Variants in RBM46 observed in about 807,000 individuals in gnomAD.
RBM46 encodes probable RNA-binding protein 46.
RBM46 carries 12 observed loss-of-function variants against 43.3 expected under a neutral mutation model. The ratio of observed to expected loss-of-function variants is 0.28; its 90% confidence interval spans 0.18 to 0.45. The LOEUF (loss-of-function observed/expected upper bound fraction) is 0.45. Among genes scored for constraint, RBM46 ranks in the 20% least tolerant of loss-of-function variants. The pLI, the probability that RBM46 is intolerant of heterozygous loss-of-function variation, is 1.00. For synonymous variants in RBM46, 205 were observed against 207.6 expected (o/e 0.99, Z 0.11); for missense variants, 412 against 639.1 (o/e 0.64, Z 3.83).
chr4:154,788,800 T>A (rs1050561055), intron 1 of RBM46, among the ~76,000 whole-genome samples: 63 of 152,228 alleles, frequency 4.1e-4, no homozygotes, highest in Non-Finnish European at 5.1e-4. Context: ...ATGTATTGAT[T>A]CTTCCTATCC....
intron 1 of RBM46, among the ~76,000 whole-genome samples, chr4:154,783,865 T>C (rs1452562864): frequency 6.6e-6 from 1 of 152,240 alleles, no homozygotes; most frequent in African/African-American, 2.4e-5. Flanking sequence ...TGTACACTTA[T>C]TTCGAAATAA....
At chr4:154,820,512 A>G (rs1735674535) in intron 4 of RBM46, 1 of 667,090 alleles carries the variant, frequency 1.5e-6, no homozygotes, top group Non-Finnish European at 2.4e-6. Context: ...CTTTATAATG[A>G]AAAGAATGAA....
rs1430281850 is a variant in RBM46 at position 154,799,376 on chromosome 4, A to G, written c.1214A>G (p.Asn405Ser). The G allele has an allele frequency of 6.2e-7, 1 of 1,614,036 alleles. No individual in the cohort carries two copies. Among genetic ancestry groups the G allele is most frequent in the Non-Finnish European group, 8.5e-7 (1 of 1,180,002 alleles). ...VMHLDYYCNK[N>S]NWAPPEYYLY... ...CATTTGGATTATTACTGCAACAAAAATAACTGGGCACCACCAGAATATTAT... is the reference window on the plus strand; with the variant it reads ...CATTTGGATTATTACTGCAACAAAAGTAACTGGGCACCACCAGAATATTAT... Residue 405 changes from asparagine (N) to serine (S), a missense_variant, in exon 4 of 5, where the codon AAT (asparagine) becomes AGT (serine). By Grantham distance (46) the Asn-to-Ser change is conservative. Around this residue, in one of 8 missense-constraint regions of RBM46, gnomAD observed 149 missense variants for 156.3 expected, o/e 0.95. Transcript: ENST00000281722.
intron 4 of RBM46, among the ~76,000 whole-genome samples, chr4:154,809,898 G>A (rs527339549): frequency 4.1e-4 from 63 of 152,126 alleles, no homozygotes; most frequent in African/African-American, 1.5e-3. Flanking sequence ...TTATGATTAG[G>A]AAAATAAAGC....
intron 4 of RBM46, among the ~76,000 whole-genome samples, chr4:154,818,381 C>A (rs908855136): frequency 6.6e-6 from 1 of 152,080 alleles, no homozygotes; most frequent in African/African-American, 2.4e-5. Context: ...TTACTTCAGC[C>A]CTTTGCAGTA....
intron 4 of RBM46, among the ~76,000 whole-genome samples, chr4:154,808,916 A>G (rs1319338748): frequency 6.6e-6 from 1 of 152,046 alleles, no homozygotes; most frequent in Non-Finnish European, 1.5e-5. Context: ...ATTTCTTTTC[A>G]CTTAAGAATT....
intron 4 of RBM46, among the ~76,000 whole-genome samples, chr4:154,804,115 A>G: frequency 6.6e-6 from 1 of 152,202 alleles, no homozygotes; most frequent in East Asian, 1.9e-4. Flanking sequence ...GTAGCCTAGC[A>G]GATTCTGGCA....
chr4:154,799,095 A>C lies in RBM46; in HGVS notation c.933A>C (p.Lys311Asn), dbSNP rs755679970. 1 of 1,614,164 alleles carries C rather than the reference A, an allele frequency of 6.2e-7. No homozygotes were observed. Among genetic ancestry groups the C allele is most frequent in the South Asian group, 1.1e-5 (1 of 91,072 alleles). ...IEVTLAKPVNKENTWRQHLNG... is the reference protein window; with the variant it reads ...IEVTLAKPVNNENTWRQHLNG... ...TAACACTAGCTAAACCAGTAAATAA[A>C]GAAAACACTTGGAGACAGCATCTTA... Residue 311 changes from lysine to asparagine, a missense_variant, in exon 4 of 5, where the codon AAA (lysine) becomes AAC (asparagine). This residue lies in a region of RBM46 where 105 missense variants were observed against 111.0 expected (regional missense o/e 0.95). Transcript: ENST00000281722.
At position 154,797,836 on chromosome 4, in the gene RBM46, A is replaced by G; in HGVS notation, c.177A>G (p.Arg59=). 6.4e-7 allele frequency: 1 copy of G among 1,550,922 alleles called. No individual in the cohort carries two copies. The highest frequency in any genetic ancestry group is 8.7e-7 in the Non-Finnish European group (1 of 1,153,198). ...PPGWEGPPPP[R]GCEVFVGKIP... is the part of the protein sequence containing the mutation. Reference sequence around the variant, plus strand: ...GTTGGGAAGGTCCACCTCCACCTAGAGGCTGTGAAGTTTTTGTAGGAAAAA... The same window carrying G: ...GTTGGGAAGGTCCACCTCCACCTAGGGGCTGTGAAGTTTTTGTAGGAAAAA... Residue 59 remains arginine (R), a synonymous_variant, in exon 3 of 5, where the codon AGA becomes AGG. Transcript: ENST00000281722.
At chr4:154,807,528 C>T (rs774216467) in intron 4 of RBM46, among the ~76,000 whole-genome samples, 3 of 151,690 alleles carry the variant, frequency 2.0e-5, no homozygotes, top group Admixed American at 6.6e-5. Context: ...TTCACTATGG[C>T]GAATTTATTT....
intron 1 of RBM46, among the ~76,000 whole-genome samples, chr4:154,783,880 A>C (rs774170628): frequency 6.6e-6 from 1 of 152,230 alleles, no homozygotes; most frequent in Non-Finnish European, 1.5e-5. Flanking sequence ...AAATAATTTT[A>C]GACTTCCATG....
Position 154,798,208 on chromosome 4 carries a change from T to C in RBM46, c.549T>C (p.Asn183=). The C allele has an allele frequency of 6.2e-7, 1 of 1,612,120 alleles. No homozygotes were observed. Among genetic ancestry groups the C allele is most frequent in the South Asian group, 1.1e-5 (1 of 90,320 alleles). Residue 183 remains asparagine (N), a synonymous_variant, in exon 3 of 5, where the codon AAT becomes AAC. Transcript: ENST00000281722. ...VYPSATDKTK[N]RGFAFVEYES... The stretch of plus-strand genomic sequence containing the variant: ...CAAGTGCAACTGATAAGACCAAAAA[T>C]CGTGGTTTTGCATTTGTGGAATATG...
intron 1 of RBM46, among the ~76,000 whole-genome samples, chr4:154,790,139 G>T (rs1394075775): frequency 6.6e-6 from 1 of 152,212 alleles, no homozygotes; most frequent in African/African-American, 2.4e-5. Flanking sequence ...GTTCATTGAT[G>T]TTTTGAAGGT....
chr4:154,813,014 G>A lies in RBM46; in HGVS notation c.1402+13450G>A, dbSNP rs563273847. ...TCTTCCATCAGTGTATATAAAGCCA[G>A]TGGACTGTATGATTTGTTGTTATTC... On this transcript the variant is annotated intron_variant, in intron 4 of 4. Transcript: ENST00000281722. Among the ~76,000 whole-genome samples the A allele has an allele frequency of 1.2e-3, 181 of 152,188 alleles. No individual in the cohort carries two copies. The Middle Eastern group carries it at 0.017, about 14-fold the overall frequency.
At chr4:154,801,580 T>G (rs1347990759) in intron 4 of RBM46, among the ~76,000 whole-genome samples, 6 of 152,166 alleles carry the variant, frequency 3.9e-5, no homozygotes, top group Admixed American at 3.9e-4. Flanking sequence ...TGAGCAAGTT[T>G]CTCCCAAGAT....
intron 1 of RBM46, among the ~76,000 whole-genome samples, chr4:154,791,610 C>A (rs950407661): frequency 3.9e-5 from 6 of 152,032 alleles, no homozygotes; most frequent in African/African-American, 1.4e-4. Context: ...AAGTTAAAAT[C>A]AAGATCGAAA....
At chr4:154,796,676 G>T in intron 1 of RBM46, 66 bp from the exon 2 acceptor site, 3 of 1,125,166 alleles carry the variant, frequency 2.7e-6, no homozygotes, top group Non-Finnish European at 2.5e-6. Flanking sequence ...GCAACCCAAA[G>T]AAATGCCTTA....
chr4:154,782,777 G>A (rs1029512165), intron 1 of RBM46, among the ~76,000 whole-genome samples: 5 of 152,168 alleles, frequency 3.3e-5, no homozygotes, highest in Admixed American at 3.3e-4. Flanking sequence ...CATCGCCGCC[G>A]AGCTTTTTAA....
chr4:154,823,885 A>C (rs1236085927), intron 4 of RBM46, among the ~76,000 whole-genome samples: 1 of 152,016 alleles, frequency 6.6e-6, no homozygotes, highest in Non-Finnish European at 1.5e-5. Context: ...TATTCCAGAC[A>C]CACCACCAGA....
Sources: allele counts gnomAD v4.1 joint callset (sites outside exome capture counted in the v4.1 genomes callset), GRCh38; gene constraint gnomAD v4.1.1; regional missense constraint gnomAD v4.1.1; transcripts MANE v1.5; gene names NCBI Gene and HGNC (gene_info 2026-07-23, HGNC 2026-07-21).